Variants in ANKRD18A observed in about 807,000 individuals in gnomAD.
ANKRD18A encodes the protein ankyrin repeat domain-containing protein 18A.
A neutral mutation model predicts 110.6 loss-of-function variants in ANKRD18A; 72 were observed. The observed-to-expected ratio is 0.65, with a 90% CI of 0.54 to 0.79. The LOEUF is 0.79. ANKRD18A is among the 30% of genes least tolerant of loss of function. The pLI is 0.00. For missense variants in ANKRD18A, 934 were observed against 1,163.3 expected (o/e 0.80, Z 2.87); for synonymous variants, 305 against 410.3 (o/e 0.74, Z 3.10).
chr9:38,572,331 T>C lies in ANKRD18A; in HGVS notation c.2965-272A>G, dbSNP rs537158104. The C allele has an allele frequency of 4.2e-3, 1,196 of 288,112 alleles. 8 individuals are homozygous for C. The highest frequency in any genetic ancestry group is 5.8e-3 in the Non-Finnish European group (883 of 153,188). 17.8% of individuals were successfully genotyped at this position (288,112 alleles called of 1,614,324 possible). Reference sequence around the variant, plus strand: ...CAGCACTGGAATTACAAGATGAAGATGGCATGGTCCACCTCCCAATAGTCA... The same window carrying C: ...CAGCACTGGAATTACAAGATGAAGACGGCATGGTCCACCTCCCAATAGTCA... On this transcript the variant is annotated intron_variant, in intron 15 of 15. Coordinates refer to ENST00000399703, the MANE Select transcript of ANKRD18A (RefSeq NM_147195.4).
chr9:38,596,483 C>G (rs2118788007), intron 8 of ANKRD18A, 80 bp from the exon 9 acceptor site: 1 of 1,221,094 alleles, frequency 8.2e-7, no homozygotes, highest in African/African-American at 1.6e-5. Context: ...AAAGAGCAAT[C>G]TATACATTCA....
At chr9:38,609,938 C>G (rs550567512) in intron 5 of ANKRD18A, among the ~76,000 whole-genome samples, 8 of 116,270 alleles carry the variant, frequency 6.9e-5, no homozygotes, top group African/African-American at 2.5e-4. Flanking sequence ...GAGACCTTGT[C>G]TCAAAAAAAA....
At chr9:38,583,419 C>T (rs1321989704) in intron 12 of ANKRD18A, among the ~76,000 whole-genome samples, 17 of 152,168 alleles carry the variant, frequency 1.1e-4, no homozygotes, top group Admixed American at 4.6e-4. Context: ...AGTCTTGTTC[C>T]GTAGCCCAGG....
intron 10 of ANKRD18A, among the ~76,000 whole-genome samples, chr9:38,589,645 C>T (rs1192022766): frequency 6.6e-6 from 1 of 152,208 alleles, no homozygotes; most frequent in Non-Finnish European, 1.5e-5. Flanking sequence ...CCTGTGTACA[C>T]CCCAAGGTCT....
At chr9:38,617,009 T>C (rs1825885919) in intron 1 of ANKRD18A, among the ~76,000 whole-genome samples, 2 of 152,222 alleles carry the variant, frequency 1.3e-5, no homozygotes, top group South Asian at 2.1e-4. Flanking sequence ...TAGAATACTG[T>C]ATACACAGCA....
intron 3 of ANKRD18A, among the ~76,000 whole-genome samples, chr9:38,613,082 A>G (rs1825706752): frequency 6.6e-6 from 1 of 152,146 alleles, no homozygotes; most frequent in East Asian, 1.9e-4. Flanking sequence ...TGAAATCTTT[A>G]TGAAAATATA....
intron 5 of ANKRD18A, 115 bp from the exon 6 acceptor site, chr9:38,607,608 C>T (rs1469417759): frequency 1.1e-5 from 8 of 710,484 alleles, no homozygotes; most frequent in Non-Finnish European, 1.6e-5. Flanking sequence ...TATCAGAAAT[C>T]TAATGTCCGA....
In ANKRD18A at chr9:38,571,510, A is replaced by G. The variant is rs1331347843; in HGVS notation, c.*535T>C. ...ATCTAGTGGGTTTTGAGGAGTAACC[A>G]GATATTTACAGAGCTTCAAAGTATC... is the stretch of plus-strand genomic sequence containing the variant. On this transcript the variant is annotated 3_prime_UTR_variant, in exon 16 of 16. Coordinates refer to ENST00000399703, the MANE Select transcript of ANKRD18A (RefSeq NM_147195.4). 4 of 824,948 alleles carry G rather than the reference A, an allele frequency of 4.8e-6. No homozygotes were observed. The African/African-American group carries it at 7.4e-5, about 15-fold the overall frequency. The allele number at this position is 824,948 out of a possible 1,614,324, so 51.1% of individuals were successfully genotyped here. A position where few individuals can be genotyped will look rare whatever the true frequency, so the allele number is the denominator to read the frequency against.
chr9:38,613,080 T>G, intron 3 of ANKRD18A, among the ~76,000 whole-genome samples: 1 of 152,112 alleles, frequency 6.6e-6, no homozygotes, highest in Non-Finnish European at 1.5e-5. Context: ...CTTGAAATCT[T>G]TATGAAAATA....
chr9:38,588,384 G>A (rs1316132225), intron 11 of ANKRD18A, among the ~76,000 whole-genome samples, 167 bp downstream of exon 11: 1 of 151,958 alleles, frequency 6.6e-6, no homozygotes, highest in Non-Finnish European at 1.5e-5. Flanking sequence ...CTGCTCACAT[G>A]CCTATAAAGT....
intron 3 of ANKRD18A, among the ~76,000 whole-genome samples, chr9:38,614,756 G>C (rs1475908678): frequency 3.9e-5 from 6 of 152,068 alleles, no homozygotes; most frequent in Non-Finnish European, 5.9e-5. Context: ...AATCCCAGTT[G>C]ATTTTGCTAT....
At chr9:38,617,444 C>T (rs1461081853) in intron 1 of ANKRD18A, among the ~76,000 whole-genome samples, 3 of 151,418 alleles carry the variant, frequency 2.0e-5, no homozygotes, top group Non-Finnish European at 2.9e-5. Flanking sequence ...TGTCGCAAAA[C>T]GAAAAAACAA....
At chr9:38,618,840 T>C (rs1161882260) in intron 1 of ANKRD18A, among the ~76,000 whole-genome samples, 4 of 150,992 alleles carry the variant, frequency 2.6e-5, no homozygotes, top group Non-Finnish European at 4.4e-5. Context: ...AAAATAAAGA[T>C]GTGCTTTTTA....
At chr9:38,592,623 T>A (rs1459068138) in intron 10 of ANKRD18A, among the ~76,000 whole-genome samples, 1 of 152,016 alleles carries the variant, frequency 6.6e-6, no homozygotes, top group African/African-American at 2.4e-5. Context: ...TACAATAACC[T>A]GTAAATGAAT....
At chr9:38,598,069 G>A (rs531497933) in intron 8 of ANKRD18A, among the ~76,000 whole-genome samples, 17 of 152,272 alleles carry the variant, frequency 1.1e-4, no homozygotes, top group Admixed American at 2.6e-4. Flanking sequence ...AAACAGACTG[G>A]TTTGGCTGGG....
intron 7 of ANKRD18A, among the ~76,000 whole-genome samples, chr9:38,601,528 T>C (rs1469639814): frequency 1.3e-5 from 2 of 152,180 alleles, no homozygotes; most frequent in Admixed American, 6.6e-5. Flanking sequence ...AGTAACACTT[T>C]ACTATTCTCT....
Position 38,596,433 on chromosome 9 carries a change from G to T in ANKRD18A, c.937-30C>A, listed in dbSNP as rs138025042. 159 of 1,396,280 alleles carry T rather than the reference G, an allele frequency of 1.1e-4. No individual in the cohort carries two copies. In the African/African-American group the frequency reaches 2.1e-3, roughly 18 times the overall value. 86.5% of individuals were successfully genotyped at this position (1,396,280 alleles called of 1,614,324 possible). A position where few individuals can be genotyped will look rare whatever the true frequency, so the allele number is the denominator to read the frequency against. ...ATAAAACAAAACAAATTTTTAGTTA[G>T]CACTCAATAAAATAATCTATGATGG... On this transcript the variant is annotated intron_variant, in intron 8 of 15. Coordinates refer to ENST00000399703, the MANE Select transcript of ANKRD18A (RefSeq NM_147195.4).
At chr9:38,585,738 A>G (rs893970408) in intron 12 of ANKRD18A, among the ~76,000 whole-genome samples, 1 of 152,232 alleles carries the variant, frequency 6.6e-6, no homozygotes, top group Non-Finnish European at 1.5e-5. Flanking sequence ...TATTCACAAT[A>G]GCAAAGACAT....
At position 38,618,107 on chromosome 9, in the gene ANKRD18A, C is replaced by G. The variant is rs28372983; in HGVS notation, c.206+1973G>C. 9.8e-3 allele frequency among the ~76,000 whole-genome samples: 1,487 copies of G among 152,182 alleles called. 20 individuals carry two copies. The highest frequency in any genetic ancestry group is 0.033 in the African/African-American group (1,388 of 41,516). ...TGAAGAAGCTAAAAGTTCAAACCCT[C>G]ACAATAATAATGATAAAAAATAGTG... On this transcript the variant is annotated intron_variant, in intron 1 of 15. Transcript: ENST00000399703.
Sources: allele counts gnomAD v4.1 joint callset (sites outside exome capture counted in the v4.1 genomes callset), GRCh38; gene constraint gnomAD v4.1.1; transcripts MANE v1.5; gene names NCBI Gene and HGNC (gene_info 2026-07-23, HGNC 2026-07-21).